GRK5: variants seen among roughly 807,000 people sequenced by gnomAD.
GRK5 encodes G protein-coupled receptor kinase 5.
A neutral mutation model predicts 78.4 loss-of-function variants in GRK5; 40 were observed. The observed-to-expected ratio is 0.51, with a 90% CI of 0.40 to 0.66. The LOEUF is 0.66. Ranked by LOEUF, GRK5 falls within the 30% of genes least tolerant of loss-of-function variation. GRK5 has a pLI of 0.00. For synonymous variants in GRK5, 289 were observed against 296.8 expected, an observed-to-expected ratio of 0.97 and a Z score of 0.27; for missense variants, 598 against 759.9, an observed-to-expected ratio of 0.79 and a Z score of 2.50.
chr10:119,207,836 C>T lies in GRK5; in HGVS notation c.-82C>T. ...CGGCTCCGGCAGCAGCGGCGGCAGCCCGAGCAGCGGCAGCAGCAGCGGCAG... is the reference window on the plus strand; with the variant it reads ...CGGCTCCGGCAGCAGCGGCGGCAGCTCGAGCAGCGGCAGCAGCAGCGGCAG... On this transcript the variant is annotated 5_prime_UTR_variant, in exon 1 of 16. Transcript: ENST00000392870. 7.3e-7 allele frequency: 1 copy of T among 1,370,784 alleles called. No individual in the cohort carries two copies. The highest frequency in any genetic ancestry group is 1.0e-6 in the Non-Finnish European group (1 of 1,004,940). 84.9% of individuals were successfully genotyped at this position (1,370,784 alleles called of 1,614,324 possible).
At chr10:119,230,296 G>C (rs71480939) in intron 1 of GRK5, among the ~76,000 whole-genome samples, 1 of 152,054 alleles carries the variant, frequency 6.6e-6, no homozygotes, top group Non-Finnish European at 1.5e-5. Context: ...GACTAGCCTA[G>C]GCAATATGGT....
chr10:119,436,844 G>T lies in GRK5; in HGVS notation c.929+3G>T. ...CACCGTGAGAACACCGTCTACCGGT[G>T]AGTGGAAGGCACCAAGGACTTCCAA... On this transcript the variant is annotated splice_donor_region_variant and intron_variant, in intron 9 of 15. Coordinates refer to ENST00000392870, the MANE Select transcript of GRK5 (RefSeq NM_005308.3). 6.3e-7 allele frequency: 1 copy of T among 1,589,800 alleles called. No individual in the cohort carries two copies. Among genetic ancestry groups the T allele is most frequent in the South Asian group, 1.1e-5 (1 of 87,610 alleles).
chr10:119,410,033 G>A (rs1852308040), intron 4 of GRK5, among the ~76,000 whole-genome samples: 1 of 152,236 alleles, frequency 6.6e-6, no homozygotes, highest in African/African-American at 2.4e-5. Flanking sequence ...AGCTGCGCCG[G>A]GTCCCGCGAG....
chr10:119,251,079 C>T (rs61874473), intron 1 of GRK5, among the ~76,000 whole-genome samples: 2,557 of 151,808 alleles, frequency 0.017, 47 homozygotes, highest in South Asian at 0.069. Flanking sequence ...CAATGACGAA[C>T]ATTTGCATTC....
chr10:119,436,942 G>A (rs1852933022), intron 9 of GRK5, 101 bp downstream of exon 9: 1 of 1,085,606 alleles, frequency 9.2e-7, no homozygotes, highest in African/African-American at 1.6e-5. Flanking sequence ...CTGGGAATCA[G>A]CCCTGGTCAG....
intron 3 of GRK5, among the ~76,000 whole-genome samples, chr10:119,389,741 CTGTGG>C (rs1851856559): frequency 6.6e-6 from 1 of 152,056 alleles, no homozygotes; most frequent in Non-Finnish European, 1.5e-5. Context: ...ACCCTGGGAA[CTGTGG>C]ACTGCCATGT....
chr10:119,439,889 A>G (rs1852998177), intron 10 of GRK5, 121 bp downstream of exon 10: 1 of 831,058 alleles, frequency 1.2e-6, no homozygotes, highest in Non-Finnish European at 2.0e-6. Context: ...CCCACTGCTC[A>G]GTGCTGGGTA....
chr10:119,423,739 A>G (rs1032748546), intron 5 of GRK5, among the ~76,000 whole-genome samples: 5 of 152,186 alleles, frequency 3.3e-5, no homozygotes, highest in Admixed American at 1.3e-4. Flanking sequence ...CATCCTGCAC[A>G]CACACACTCT....
At chr10:119,236,299 T>C (rs1364222118) in intron 1 of GRK5, among the ~76,000 whole-genome samples, 1 of 152,034 alleles carries the variant, frequency 6.6e-6, no homozygotes. Context: ...CACTGCAAGC[T>C]CCGCCTCCCG....
chr10:119,394,127 T>TGG (rs1851938974), intron 3 of GRK5, among the ~76,000 whole-genome samples: 3 of 86,818 alleles, frequency 3.5e-5, no homozygotes, highest in Non-Finnish European at 4.7e-5. Context: ...TGTGTGTGTG[T>TGG]GTGTGGGTAT....
rs1589773218 is a variant in GRK5 at position 119,378,095 on chromosome 10, C to T, written c.149-2720C>T. On this transcript the variant is annotated intron_variant, in intron 2 of 15. Transcript: ENST00000392870. The surrounding 1 kb of genome is among the most constrained non-coding windows in gnomAD (Gnocchi z 4.5). The stretch of plus-strand genomic sequence containing the variant: ...TGATGATCACACTCATCTAGCTTGA[C>T]ATTTTATTACTGTCATTTGAGATCT... The T allele has an allele frequency of 6.5e-6, 1 of 154,348 alleles. No individual in the cohort carries two copies. Among genetic ancestry groups the T allele is most frequent in the East Asian group, 1.9e-4 (1 of 5,188 alleles). The allele number at this position is 154,348 out of a possible 1,614,324, so 9.6% of individuals were successfully genotyped here. A position where few individuals can be genotyped will look rare whatever the true frequency, so the allele number is the denominator to read the frequency against.
intron 4 of GRK5, among the ~76,000 whole-genome samples, chr10:119,421,346 G>A (rs12243338): frequency 0.34 from 51,846 of 151,886 alleles, 9,591 homozygotes; most frequent in East Asian, 0.57. Context: ...AAGTCTTAGA[G>A]GCACAAGCCC....
chr10:119,398,373 A>G (rs1177875434), intron 4 of GRK5, among the ~76,000 whole-genome samples: 2 of 150,578 alleles, frequency 1.3e-5, no homozygotes, highest in Admixed American at 6.6e-5. Flanking sequence ...GGTGTGCCAC[A>G]TGCCTCCGAG....
At chr10:119,449,425 C>G (rs542736477) in intron 13 of GRK5, among the ~76,000 whole-genome samples, 18 of 152,302 alleles carry the variant, frequency 1.2e-4, no homozygotes, top group African/African-American at 4.3e-4. Context: ...AACCACACCA[C>G]AGACCCCGTC....
Position 119,288,778 on chromosome 10 carries a change from C to T in GRK5, c.53-37738C>T, listed in dbSNP as rs375335428. ...TCCTCCCTGCTGTTCCTCACCCACC[C>T]GGCCTCAGCCACTCCATTCCTGGAT... On this transcript the variant is annotated intron_variant, in intron 1 of 15. Transcript: ENST00000392870. 1.3e-4 allele frequency among the ~76,000 whole-genome samples: 20 copies of T among 152,328 alleles called. No homozygotes were observed. In the East Asian group the frequency reaches 3.3e-3, roughly 25 times the overall value.
At chr10:119,394,352 G>GTGT (rs1851974385) in intron 3 of GRK5, among the ~76,000 whole-genome samples, 2 of 111,602 alleles carry the variant, frequency 1.8e-5, no homozygotes, top group Non-Finnish European at 4.0e-5. Flanking sequence ...GTGGGCATGT[G>GTGT]GGTGTGTGGG....
At chr10:119,394,383 T>A (rs1370366639) in intron 3 of GRK5, among the ~76,000 whole-genome samples, 2 of 105,104 alleles carry the variant, frequency 1.9e-5, no homozygotes, top group African/African-American at 7.6e-5. Flanking sequence ...TGTCGGTGTG[T>A]GTATCTGTGT....
At position 119,453,277 on chromosome 10, in the gene GRK5, G is replaced by A; in HGVS notation, c.1674+1G>A. ...GCTCCAGAGACTCTTCAAGCGGCAGGTGAGACACCCATGCCTGGCCAGTCC... is the reference window on the plus strand; with the variant it reads ...GCTCCAGAGACTCTTCAAGCGGCAGATGAGACACCCATGCCTGGCCAGTCC... On this transcript the variant is annotated splice_donor_variant, in intron 15 of 15. Coordinates refer to ENST00000392870, the MANE Select transcript of GRK5 (RefSeq NM_005308.3). LOFTEE classifies it high-confidence loss of function. 2 of 1,613,938 alleles carry A rather than the reference G, an allele frequency of 1.2e-6. No homozygotes were observed. The highest frequency in any genetic ancestry group is 2.2e-5 in the East Asian group (1 of 44,882).
At chr10:119,228,201 T>G (rs1230327716) in intron 1 of GRK5, among the ~76,000 whole-genome samples, 1 of 151,892 alleles carries the variant, frequency 6.6e-6, no homozygotes, top group East Asian at 1.9e-4. Context: ...TAAAATTAGC[T>G]GGGCATGGTG....
Sources: allele counts gnomAD v4.1 joint callset (sites outside exome capture counted in the v4.1 genomes callset), GRCh38; gene constraint gnomAD v4.1.1; non-coding constraint Gnocchi (gnomAD v3.1); transcripts MANE v1.5; gene names NCBI Gene and HGNC (gene_info 2026-07-23, HGNC 2026-07-21).